PLEKHA7: variants seen among roughly 807,000 people sequenced by gnomAD.
PLEKHA7 encodes pleckstrin homology domain-containing family A member 7.
PLEKHA7 carries 104 observed loss-of-function variants against 170.0 expected under a neutral mutation model. The ratio of observed to expected loss-of-function variants is 0.61; its 90% CI spans 0.52 to 0.72. The LOEUF (loss-of-function observed/expected upper bound fraction) is 0.72, where lower values mean the gene tolerates loss of function less well. Among genes scored for constraint, PLEKHA7 ranks in the 30% least tolerant of loss-of-function variants. The pLI, the probability that PLEKHA7 is intolerant of heterozygous loss-of-function variation, is 0.00. For synonymous variants in PLEKHA7, 648 were observed against 660.8 expected, an observed-to-expected ratio of 0.98 and a Z score of 0.30; for missense variants, 1,615 against 1,671.7, an observed-to-expected ratio of 0.97 and a Z score of 0.59.
intron 3 of PLEKHA7, among the ~76,000 whole-genome samples, chr11:16,952,197 A>G (rs1861446323): frequency 6.6e-6 from 1 of 152,222 alleles, no homozygotes; most frequent in Admixed American, 6.5e-5. Context: ...TAGCTGTGTG[A>G]ATAAGTCCCG....
Position 16,789,919 on chromosome 11 carries a change from G to T in PLEKHA7, c.3053-41C>A. ...GAAGTGCAAGCATGTTTGTGCTGGG[G>T]TGGATGGGTCCCTGCTTCTCCCTCA... On this transcript the variant is annotated intron_variant, in intron 21 of 26. Coordinates refer to ENST00000531066, the MANE Select transcript of PLEKHA7 (RefSeq NM_001329630.2). The surrounding 1 kb of genome is among the most constrained non-coding windows in gnomAD (Gnocchi z 4.6). 1 of 1,548,300 alleles carries T rather than the reference G, an allele frequency of 6.5e-7. No homozygotes were observed. Among genetic ancestry groups the T allele is most frequent in the Non-Finnish European group, 8.9e-7 (1 of 1,120,870 alleles).
chr11:16,974,632 T>C, intron 3 of PLEKHA7: 5 of 282,950 alleles, frequency 1.8e-5, no homozygotes, highest in Non-Finnish European at 2.2e-5. Flanking sequence ...ACAGGTTTTT[T>C]TTTTTTTTTT....
At position 16,817,088 on chromosome 11, in the gene PLEKHA7, C is replaced by T; in HGVS notation, c.1578G>A (p.Trp526Ter). The stretch of plus-strand genomic sequence containing the variant: ...CGTGCCGGAACTGCTGGCGCTGCTG[C>T]CACTCGTAGAGCTGCCACACGGTGC... ...RDGTVWQLYE[W>*]QQRQQFRHGS... The change falls in exon 11 of 27, where the codon TGG (tryptophan) becomes TGA (stop). Residue 526 changes from tryptophan (W) to a stop codon, truncating the protein, a stop_gained. Transcript: ENST00000531066. LOFTEE classifies it high-confidence loss of function. This position sits in a 1 kb window ranked among gnomAD's most constrained non-coding sequence, Gnocchi z 4.4. The T allele has an allele frequency of 6.2e-7, 1 of 1,613,516 alleles. No homozygotes were observed. Among genetic ancestry groups the T allele is most frequent in the East Asian group, 2.2e-5 (1 of 44,860 alleles).
At position 16,817,520 on chromosome 11, in the gene PLEKHA7, C is replaced by T; in HGVS notation, c.1344-198G>A. 1 of 524,544 alleles carries T rather than the reference C, an allele frequency of 1.9e-6. No homozygotes were observed. The highest frequency in any genetic ancestry group is 3.3e-6 in the Non-Finnish European group (1 of 305,460). 32.5% of individuals were successfully genotyped at this position (524,544 alleles called of 1,614,324 possible). On this transcript the variant is annotated intron_variant, in intron 10 of 26. Transcript: ENST00000531066. This position sits in a 1 kb window ranked among gnomAD's most constrained non-coding sequence, Gnocchi z 4.4. Reference sequence around the variant, plus strand: ...CGACTCCAAAACCATTTTTCTCTGTCAACTTCCTCTGCCAGGACAACTTGG... The same window carrying T: ...CGACTCCAAAACCATTTTTCTCTGTTAACTTCCTCTGCCAGGACAACTTGG...
At chr11:16,792,463 A>G (rs908550246) in intron 19 of PLEKHA7, among the ~76,000 whole-genome samples, 10 of 152,140 alleles carry the variant, frequency 6.6e-5, no homozygotes, top group African/African-American at 2.4e-4. Context: ...GATGCAAGAC[A>G]CAAAATAGTA....
At chr11:16,996,103 G>A (rs541939536) in intron 3 of PLEKHA7, among the ~76,000 whole-genome samples, 1 of 152,292 alleles carries the variant, frequency 6.6e-6, no homozygotes, top group Admixed American at 6.5e-5. Flanking sequence ...TATAAAATCT[G>A]TTGAACCATA....
At chr11:16,805,053 T>C (rs1198899226) in intron 13 of PLEKHA7, among the ~76,000 whole-genome samples, 1 of 152,168 alleles carries the variant, frequency 6.6e-6, no homozygotes, top group Non-Finnish European at 1.5e-5. Flanking sequence ...CCATCGTCCT[T>C]TCATCAAAGC....
chr11:16,868,742 A>G (rs1354697021), intron 4 of PLEKHA7, among the ~76,000 whole-genome samples: 1 of 152,184 alleles, frequency 6.6e-6, no homozygotes, highest in East Asian at 1.9e-4. Flanking sequence ...GATCTAGAGG[A>G]AAAAAGTAAG....
At chr11:16,834,864 C>T (rs1337774337) in intron 9 of PLEKHA7, among the ~76,000 whole-genome samples, 1 of 152,178 alleles carries the variant, frequency 6.6e-6, no homozygotes, top group Non-Finnish European at 1.5e-5. Context: ...AGAGCAGGCC[C>T]TGCCAGGAGT....
intron 3 of PLEKHA7, among the ~76,000 whole-genome samples, chr11:16,972,536 A>T (rs1449705502): frequency 6.6e-6 from 1 of 152,020 alleles, no homozygotes; most frequent in Non-Finnish European, 1.5e-5. Flanking sequence ...TCGGCTTCTC[A>T]AGTAGCTGGG....
intron 3 of PLEKHA7, among the ~76,000 whole-genome samples, chr11:16,892,670 C>T (rs1188353729): frequency 1.5e-5 from 2 of 137,864 alleles, no homozygotes; most frequent in African/African-American, 5.6e-5. Flanking sequence ...AGGATTTCAC[C>T]ATATTGCCCA....
At chr11:16,891,106 G>A (rs1349248026) in intron 3 of PLEKHA7, among the ~76,000 whole-genome samples, 2 of 101,102 alleles carry the variant, frequency 2.0e-5, no homozygotes, top group South Asian at 3.7e-4. Context: ...TTAGAGATGG[G>A]GTCTTGCTAT....
intron 3 of PLEKHA7, among the ~76,000 whole-genome samples, chr11:16,889,072 C>T (rs747183762): frequency 6.3e-4 from 95 of 151,670 alleles, no homozygotes; most frequent in Non-Finnish European, 1.2e-3. Flanking sequence ...CTGGGGCAGC[C>T]GAAAAACCAC....
At chr11:17,013,759 G>T (rs1010402965) in intron 3 of PLEKHA7, among the ~76,000 whole-genome samples, 2 of 152,282 alleles carry the variant, frequency 1.3e-5, no homozygotes, top group East Asian at 3.9e-4. Flanking sequence ...AGAGTCTGCG[G>T]CCTCTTCCCC....
intron 3 of PLEKHA7, among the ~76,000 whole-genome samples, chr11:16,967,472 G>T (rs1294184846): frequency 6.6e-6 from 1 of 152,180 alleles, no homozygotes; most frequent in Non-Finnish European, 1.5e-5. Context: ...TGGTCATGCT[G>T]TGTCTCTGCC....
rs542526750 is a variant in PLEKHA7, at chr11:16,815,641, G to A, written c.1953+537C>T. On this transcript the variant is annotated intron_variant, in intron 12 of 26. Coordinates refer to ENST00000531066, the MANE Select transcript of PLEKHA7 (RefSeq NM_001329630.2). ...CTGAGTTCTCGTATCTCAGCCTTCC[G>A]AATAGCTGGGATCACAGGAGTGTAC... Among the ~76,000 whole-genome samples the A allele has an allele frequency of 1.1e-4, 16 of 152,122 alleles. No individual in the cohort carries two copies. In the East Asian group the frequency reaches 1.9e-3, roughly 18 times the overall value.
intron 3 of PLEKHA7, among the ~76,000 whole-genome samples, chr11:16,955,164 AC>A (rs1394089062): frequency 1.3e-5 from 2 of 152,110 alleles, no homozygotes; most frequent in Non-Finnish European, 2.9e-5. Context: ...GAAAACTGAA[AC>A]CCCCAATGAA....
chr11:16,800,188 T>C (rs947315345), intron 17 of PLEKHA7, among the ~76,000 whole-genome samples: 14 of 152,136 alleles, frequency 9.2e-5, no homozygotes, highest in African/African-American at 2.9e-4. Context: ...GGAGAAGATA[T>C]AGATCTTAAG....
chr11:16,840,752 T>C (rs750813953), intron 9 of PLEKHA7, among the ~76,000 whole-genome samples: 13 of 152,136 alleles, frequency 8.5e-5, no homozygotes, highest in Non-Finnish European at 1.3e-4. Flanking sequence ...TAGCTGTATT[T>C]ATATTTAATG....
Sources: gnomAD v4.1 joint callset for allele counts (sites outside exome capture counted in the v4.1 genomes callset) on GRCh38, gnomAD v4.1.1 for gene constraint, Gnocchi (gnomAD v3.1) non-coding constraint, MANE v1.5 for transcripts, NCBI Gene and HGNC (gene_info 2026-07-23, HGNC 2026-07-21) for gene names.